Variants in DLG4 observed in about 807,000 individuals in gnomAD.
DLG4 encodes the protein discs large MAGUK scaffold protein 4, also known as disks large homolog 4.
DLG4 carries 7 observed loss-of-function variants against 93.8 expected under a neutral mutation model. The ratio of observed to expected loss-of-function variants is 0.07; its 90% CI spans 0.04 to 0.14. The LOEUF (loss-of-function observed/expected upper bound fraction) is 0.14, where lower values mean the gene tolerates loss of function less well. Ranked by LOEUF, DLG4 falls within the 10% of genes least tolerant of loss-of-function variation. The pLI is 1.00. For missense variants in DLG4, 545 were observed against 992.9 expected, an observed-to-expected ratio of 0.55 and a Z score of 6.06; for synonymous variants, 341 against 387.6, an observed-to-expected ratio of 0.88 and a Z score of 1.41.
Position 7,217,576 on chromosome 17 carries a change from C to G in DLG4, c.-429G>C. ...GGGAGTGGGGTGGGGGGGTTGGAAA[C>G]GGCAGCGGCCGAGGGAGCCGTGGAG... On this transcript the variant is annotated 5_prime_UTR_variant, in exon 1 of 20. Coordinates refer to ENST00000399506, the MANE Select transcript of DLG4 (RefSeq NM_001321075.3). 7.6e-7 allele frequency: 1 copy of G among 1,323,084 alleles called. No individual in the cohort carries two copies. The highest frequency in any genetic ancestry group is 9.7e-7 in the Non-Finnish European group (1 of 1,028,814). The allele number at this position is 1,323,084 out of a possible 1,614,324, so 82.0% of individuals were successfully genotyped here.
rs116149249 is a variant in DLG4, at chr17:7,196,181, G to A, written c.1301+39C>T. ...GGCCAGGCACAGAGTGCCCAGGAAC[G>A]CAGAGGGGCTGAGGAGTCCAGCCCG... On this transcript the variant is annotated intron_variant, in intron 11 of 19. Coordinates refer to ENST00000399506, the MANE Select transcript of DLG4 (RefSeq NM_001321075.3). This position sits in a 1 kb window ranked among gnomAD's most constrained non-coding sequence, Gnocchi z 8.3. 1.9e-4 allele frequency: 294 copies of A among 1,517,206 alleles called. 1 individual carries two copies. The African/African-American group carries it at 3.6e-3, about 18-fold the overall frequency. 94.0% of individuals were successfully genotyped at this position (1,517,206 alleles called of 1,614,324 possible).
At chr17:7,216,272 G>A (rs2070911383) in intron 1 of DLG4, among the ~76,000 whole-genome samples, 1 of 152,086 alleles carries the variant, frequency 6.6e-6, no homozygotes, top group South Asian at 2.1e-4. Flanking sequence ...GATACAGTGT[G>A]GGAGGAGATG....
upstream of DLG4, chr17:7,217,747 A>C (rs930202899): frequency 3.3e-6 from 5 of 1,535,246 alleles, no homozygotes; most frequent in Admixed American, 2.0e-5. Context: ...AGATAGAAGC[A>C]GAAGCACAGA....
rs142269207 is a variant in DLG4 at position 7,188,819 on chromosome 17, T to C, written c.*1889A>G. On this transcript the variant is annotated 3_prime_UTR_variant, in exon 20 of 20. Transcript: ENST00000399506. ...CTGCCTCAGATCTTTCCCATAGAGA[T>C]AGGACATAAAGGCTGGGCGTAGTGG... 7.1e-3 allele frequency among the ~76,000 whole-genome samples: 1,080 copies of C among 152,174 alleles called. 20 individuals are homozygous for C. The Middle Eastern group carries it at 0.1, about 14-fold the overall frequency.
Position 7,191,025 on chromosome 17 carries a change from A to G in DLG4, c.2069-211T>C, listed in dbSNP as rs2069466784. Reference sequence around the variant, plus strand: ...TGCTCTTAGCGCCAGGCTGGAGTGCAGTGGTGCGATCTCGGCTCACTGCAA... The same window carrying G: ...TGCTCTTAGCGCCAGGCTGGAGTGCGGTGGTGCGATCTCGGCTCACTGCAA... On this transcript the variant is annotated intron_variant, in intron 19 of 19. Coordinates refer to ENST00000399506, the MANE Select transcript of DLG4 (RefSeq NM_001321075.3). This position sits in a 1 kb window ranked among gnomAD's most constrained non-coding sequence, Gnocchi z 6.6. 1.5e-5 allele frequency among the ~76,000 whole-genome samples: 2 copies of G among 135,920 alleles called. No individual in the cohort carries two copies. Among genetic ancestry groups the G allele is most frequent in the South Asian group, 4.6e-4 (2 of 4,334 alleles). 89.2% of individuals were successfully genotyped at this position (135,920 alleles called of 152,430 possible).
Position 7,201,131 on chromosome 17 carries a change from T to C in DLG4, c.787+1772A>G, listed in dbSNP as rs1023267383. 2.0e-5 allele frequency among the ~76,000 whole-genome samples: 3 copies of C among 152,182 alleles called. No homozygotes were observed. The South Asian group carries it at 6.2e-4, about 32-fold the overall frequency. ...CGCCCGCCTTGGCCTCCCAAAGTGT[T>C]GGGATTACAGGCATGAGCCACCTCG... On this transcript the variant is annotated intron_variant, in intron 8 of 19. Transcript: ENST00000399506.
In DLG4 at chr17:7,193,462, A is replaced by T. The variant is rs1324119241; in HGVS notation, c.1693+21T>A. On this transcript the variant is annotated intron_variant, in intron 16 of 19. Transcript: ENST00000399506. The surrounding 1 kb of genome is among the most constrained non-coding windows in gnomAD (Gnocchi z 6.7). ...CACCCCCACTTCCACCTTCTCCTCC[A>T]TCCAAGGCCCCAGCACTCACGGGGA... 2.6e-6 allele frequency: 4 copies of T among 1,517,152 alleles called. No homozygotes were observed. Among genetic ancestry groups the T allele is most frequent in the Non-Finnish European group, 3.5e-6 (4 of 1,137,058 alleles). The allele number at this position is 1,517,152 out of a possible 1,614,324, so 94.0% of individuals were successfully genotyped here. A position where few individuals can be genotyped will look rare whatever the true frequency, so the allele number is the denominator to read the frequency against.
At position 7,189,566 on chromosome 17, in the gene DLG4, G is replaced by A. The variant is rs528988256; in HGVS notation, c.*1142C>T. Among the ~76,000 whole-genome samples the A allele has an allele frequency of 4.9e-4, 75 of 152,166 alleles. No individual in the cohort carries two copies. Among genetic ancestry groups the A allele is most frequent in the East Asian group, 1.9e-3 (10 of 5,180 alleles). ...CACAACTCCATGAACATGAATGAAC[G>A]AAGTTTCCTCTCTATTTTCCTTTAA... is the stretch of plus-strand genomic sequence containing the variant. On this transcript the variant is annotated 3_prime_UTR_variant, in exon 20 of 20. Transcript: ENST00000399506.
chr17:7,205,929 T>G (rs1048465224), intron 2 of DLG4, among the ~76,000 whole-genome samples: 3 of 151,240 alleles, frequency 2.0e-5, no homozygotes, highest in Non-Finnish European at 4.4e-5. Context: ...TTCATTTGCT[T>G]CCCATCCCTA....
Position 7,187,187 on chromosome 17 carries a change from T to C in DLG4, c.*3521A>G, listed in dbSNP as rs1052853867. Among the ~76,000 whole-genome samples the C allele has an allele frequency of 6.6e-6, 1 of 152,062 alleles. No individual in the cohort carries two copies. The highest frequency in any genetic ancestry group is 6.6e-5 in the Admixed American group (1 of 15,242). On this transcript the variant is annotated 3_prime_UTR_variant, in exon 20 of 20. Transcript: ENST00000399506. Reference sequence around the variant, plus strand: ...GGAAGGAAACTTTTTAAAAACAGTATGTATTTCTATATTTATTTGAATTGT... The same window carrying C: ...GGAAGGAAACTTTTTAAAAACAGTACGTATTTCTATATTTATTTGAATTGT...
chr17:7,216,995 C>T (rs1413364523), intron 1 of DLG4, 123 bp downstream of exon 1: 1 of 946,902 alleles, frequency 1.1e-6, no homozygotes, highest in African/African-American at 1.7e-5. Context: ...AAATTAAGAC[C>T]CCCAAATACA....
intron 1 of DLG4, among the ~76,000 whole-genome samples, chr17:7,210,694 C>T (rs1354055246): frequency 1.3e-5 from 2 of 152,158 alleles, no homozygotes; most frequent in African/African-American, 4.8e-5. Context: ...GCCTCCAATT[C>T]CCTGCAAGGT....
chr17:7,208,082 G>T lies in DLG4; in HGVS notation c.96+92C>A. ...GCCACCAGGGTCTCCTACCTTGAAG[G>T]GGGAGAGGTGGGCGTGGCCCACGAC... On this transcript the variant is annotated intron_variant, in intron 2 of 19. Transcript: ENST00000399506. This position sits in a 1 kb window ranked among gnomAD's most constrained non-coding sequence, Gnocchi z 5.4. The T allele has an allele frequency of 7.6e-7, 1 of 1,314,890 alleles. No individual in the cohort carries two copies. The highest frequency in any genetic ancestry group is 9.8e-7 in the Non-Finnish European group (1 of 1,023,252). The allele number at this position is 1,314,890 out of a possible 1,614,324, so 81.5% of individuals were successfully genotyped here.
In DLG4 at chr17:7,190,455, G is replaced by T; in HGVS notation, c.*253C>A. 1 of 508,134 alleles carries T rather than the reference G, an allele frequency of 2.0e-6. No homozygotes were observed. Among genetic ancestry groups the T allele is most frequent in the Non-Finnish European group, 3.6e-6 (1 of 280,264 alleles). The allele number at this position is 508,134 out of a possible 1,614,324, so 31.5% of individuals were successfully genotyped here. ...CAGGTGGGGGCGGGGATCCTAAGGA[G>T]CAAGGGCTCGGAACAAGGAGCCCAG... On this transcript the variant is annotated 3_prime_UTR_variant, in exon 20 of 20. Transcript: ENST00000399506.
rs1249038647 is a variant in DLG4 at position 7,189,531 on chromosome 17, T to C, written c.*1177A>G. On this transcript the variant is annotated 3_prime_UTR_variant, in exon 20 of 20. Coordinates refer to ENST00000399506, the MANE Select transcript of DLG4 (RefSeq NM_001321075.3). ...AACAAAAAAAATCATTTCCAGATCC[T>C]AGCTCTGTCCACAACTCCATGAACA... Among the ~76,000 whole-genome samples, 2 of 152,066 alleles carry C rather than the reference T, an allele frequency of 1.3e-5. No individual in the cohort carries two copies. The highest frequency in any genetic ancestry group is 1.3e-4 in the Admixed American group (2 of 15,254).
At chr17:7,218,370 A>G, upstream of DLG4, 2 of 1,477,604 alleles carry the variant, frequency 1.4e-6, no homozygotes, top group Non-Finnish European at 1.9e-6. Flanking sequence ...GCTGGCTGGC[A>G]AGGGAGGAGC....
At chr17:7,219,854 G>A (rs921164942), upstream of DLG4, 3 of 1,538,424 alleles carry the variant, frequency 2.0e-6, no homozygotes, top group Admixed American at 2.0e-5. Flanking sequence ...AGCATGCCCC[G>A]GGGCCCGCAA....
chr17:7,194,191 G>T lies in DLG4; in HGVS notation c.1478+128C>A. 7.3e-7 allele frequency: 1 copy of T among 1,370,582 alleles called. No individual in the cohort carries two copies. The highest frequency in any genetic ancestry group is 9.9e-7 in the Non-Finnish European group (1 of 1,014,428). The allele number at this position is 1,370,582 out of a possible 1,614,324, so 84.9% of individuals were successfully genotyped here. The stretch of plus-strand genomic sequence containing the variant: ...AGGCTCATGGGAGCCACGGACCCCA[G>T]GAGGGCCCAACAGACAAACCCCTAG... On this transcript the variant is annotated intron_variant, in intron 12 of 19. Transcript: ENST00000399506. This position sits in a 1 kb window ranked among gnomAD's most constrained non-coding sequence, Gnocchi z 4.4.
rs1433603775 is a variant in DLG4, at chr17:7,190,345, G to A, written c.*363C>T. 4 of 292,300 alleles carry A rather than the reference G, an allele frequency of 1.4e-5. No individual in the cohort carries two copies. The highest frequency in any genetic ancestry group is 8.4e-5 in the Admixed American group (2 of 23,852). The allele number at this position is 292,300 out of a possible 1,614,324, so 18.1% of individuals were successfully genotyped here. A position where few individuals can be genotyped will look rare whatever the true frequency, so the allele number is the denominator to read the frequency against. On this transcript the variant is annotated 3_prime_UTR_variant, in exon 20 of 20. Coordinates refer to ENST00000399506, the MANE Select transcript of DLG4 (RefSeq NM_001321075.3). ...TGCATCCCTGCAGCGGGTGCTCCTC[G>A]AGGGGGCCCTGACTTCTGGAATGTG...
Sources: allele counts gnomAD v4.1 joint callset (sites outside exome capture counted in the v4.1 genomes callset), GRCh38; gene constraint gnomAD v4.1.1; non-coding constraint Gnocchi (gnomAD v3.1); transcripts MANE v1.5; gene names NCBI Gene and HGNC (gene_info 2026-07-23, HGNC 2026-07-21).